Variants in ACSS3 observed in about 807,000 individuals in gnomAD.
ACSS3 encodes acyl-CoA synthetase short chain family member 3, also known as acyl-CoA synthetase short-chain family member 3, mitochondrial.
In ACSS3, 64 loss-of-function variants were observed where a neutral mutation model predicts 84.2. The ratio of observed to expected loss-of-function variants is 0.76; its 90% CI spans 0.62 to 0.94. ACSS3 has a LOEUF of 0.94. Among genes scored for constraint, ACSS3 ranks in the 40% least tolerant of loss-of-function variants. The pLI, the probability that ACSS3 is intolerant of heterozygous loss-of-function variation, is 0.00. For missense variants in ACSS3, 815 were observed against 867.6 expected (o/e 0.94, Z 0.76); for synonymous variants, 317 against 310.1 (o/e 1.02, Z -0.23).
intron 7 of ACSS3, among the ~76,000 whole-genome samples, chr12:81,168,511 T>C (rs1317520427): frequency 6.6e-6 from 1 of 152,148 alleles, no homozygotes; most frequent in Non-Finnish European, 1.5e-5. Flanking sequence ...TCTCAAGTAG[T>C]GATACAACCA....
intron 9 of ACSS3, among the ~76,000 whole-genome samples, chr12:81,210,496 AT>A (rs2032549567): frequency 6.6e-6 from 1 of 150,966 alleles, no homozygotes; most frequent in Non-Finnish European, 1.5e-5. Flanking sequence ...GTATAGCAAA[AT>A]AAGTAAAAAC....
chr12:81,092,497 A>G (rs1361396372), intron 1 of ACSS3, among the ~76,000 whole-genome samples: 3 of 152,270 alleles, frequency 2.0e-5, no homozygotes, highest in East Asian at 3.9e-4. Context: ...GAGGTGTGAA[A>G]AACTAGAGCA....
intron 5 of ACSS3, among the ~76,000 whole-genome samples, chr12:81,144,457 A>G (rs1000320476): frequency 6.6e-6 from 1 of 152,210 alleles, no homozygotes; most frequent in Non-Finnish European, 1.5e-5. Context: ...GAAGCATGCC[A>G]TATAATCTGC....
At chr12:81,249,538 G>T (rs1565744465) in intron 13 of ACSS3, among the ~76,000 whole-genome samples, 1 of 151,982 alleles carries the variant, frequency 6.6e-6, no homozygotes, top group Non-Finnish European at 1.5e-5. Flanking sequence ...TATTTTGTTT[G>T]CTATTTTAGG....
At chr12:81,155,274 T>A (rs1886807689) in intron 7 of ACSS3, among the ~76,000 whole-genome samples, 1 of 152,240 alleles carries the variant, frequency 6.6e-6, no homozygotes, top group Non-Finnish European at 1.5e-5. Flanking sequence ...TTTAGCAGGA[T>A]CATAGTCTTT....
intron 12 of ACSS3, among the ~76,000 whole-genome samples, chr12:81,232,632 C>T (rs2033503541): frequency 6.6e-6 from 1 of 151,716 alleles, no homozygotes; most frequent in South Asian, 2.1e-4. Flanking sequence ...CTTTAGAAGG[C>T]AGAACTCATT....
chr12:81,255,078 G>A lies in ACSS3; in HGVS notation c.*156G>A. ...GCCTAAACAAATCTAATGAAAACAT[G>A]TGAAAGACCTGTGCCTTTTTTTTGG... is the stretch of plus-strand genomic sequence containing the variant. On this transcript the variant is annotated 3_prime_UTR_variant, in exon 16 of 16. Transcript: ENST00000548058. 1 of 658,530 alleles carries A rather than the reference G, an allele frequency of 1.5e-6. No individual in the cohort carries two copies. Among genetic ancestry groups the A allele is most frequent in the Non-Finnish European group, 2.4e-6 (1 of 418,704 alleles). 40.8% of individuals were successfully genotyped at this position (658,530 alleles called of 1,614,324 possible). A position where few individuals can be genotyped will look rare whatever the true frequency, so the allele number is the denominator to read the frequency against.
chr12:81,121,201 A>AC (rs1407000721), intron 2 of ACSS3, among the ~76,000 whole-genome samples: 2 of 152,188 alleles, frequency 1.3e-5, no homozygotes, highest in Admixed American at 1.3e-4. Flanking sequence ...GTTAACAGGA[A>AC]CATTGCCCAA....
intron 11 of ACSS3, among the ~76,000 whole-genome samples, chr12:81,229,860 G>A (rs941912106): frequency 6.7e-6 from 1 of 149,254 alleles, no homozygotes; most frequent in Admixed American, 6.7e-5. Flanking sequence ...CATTATAGAA[G>A]TGGGCGATAT....
chr12:81,248,155 G>GA (rs2034042349), intron 13 of ACSS3, among the ~76,000 whole-genome samples: 1 of 151,828 alleles, frequency 6.6e-6, no homozygotes, highest in African/African-American at 2.4e-5. Context: ...GAGATTTTTC[G>GA]AAAAACTAAA....
intron 1 of ACSS3, among the ~76,000 whole-genome samples, chr12:81,089,498 T>C (rs1330100129): frequency 2.6e-5 from 4 of 152,008 alleles, no homozygotes; most frequent in Non-Finnish European, 5.9e-5. Context: ...CTCTCACCTG[T>C]GTTATTCCAT....
intron 7 of ACSS3, among the ~76,000 whole-genome samples, chr12:81,164,746 A>G (rs972501384): frequency 6.6e-6 from 1 of 152,194 alleles, no homozygotes; most frequent in Admixed American, 6.5e-5. Flanking sequence ...TTTTACCTAC[A>G]TGGAGGTAGT....
chr12:81,180,216 C>A (rs541084062), intron 8 of ACSS3, among the ~76,000 whole-genome samples: 1 of 152,242 alleles, frequency 6.6e-6, no homozygotes, highest in East Asian at 1.9e-4. Flanking sequence ...ACAATAGACA[C>A]AAGGGGTAGA....
chr12:81,139,216 T>C lies in ACSS3; in HGVS notation c.731T>C (p.Ile244Thr). The change falls in exon 4 of 16, where the codon ATA (isoleucine) becomes ACA (threonine). Residue 244 changes from isoleucine to threonine, a missense_variant. By Grantham distance (89) the Ile-to-Thr change is moderately conservative. Coordinates refer to ENST00000548058, the MANE Select transcript of ACSS3 (RefSeq NM_024560.4). ...CCACTTGTAGAAGAAGCGCTAAAAATAGGACAACACAAACCAGACAAAATT... is the reference window on the plus strand; with the variant it reads ...CCACTTGTAGAAGAAGCGCTAAAAACAGGACAACACAAACCAGACAAAATT... ...YVPLVEEALK[I>T]GQHKPDKILI... 1 of 1,614,014 alleles carries C rather than the reference T, an allele frequency of 6.2e-7. No individual in the cohort carries two copies. The highest frequency in any genetic ancestry group is 8.5e-7 in the Non-Finnish European group (1 of 1,179,944).
intron 11 of ACSS3, 136 bp from the exon 12 acceptor site, chr12:81,230,921 C>T: frequency 1.4e-6 from 1 of 697,956 alleles, no homozygotes; most frequent in Admixed American, 2.7e-5. Context: ...ATGATCTGTC[C>T]AGCAGATTTA....
At chr12:81,137,162 T>A (rs1441792355) in intron 3 of ACSS3, among the ~76,000 whole-genome samples, 1 of 151,582 alleles carries the variant, frequency 6.6e-6, no homozygotes, top group African/African-American at 2.4e-5. Flanking sequence ...TTAAACATGT[T>A]GAGTTAATGC....
chr12:81,089,342 A>G (rs774042096), intron 1 of ACSS3, among the ~76,000 whole-genome samples: 5 of 151,828 alleles, frequency 3.3e-5, no homozygotes, highest in Non-Finnish European at 7.4e-5. Context: ...ATTTTCAAGC[A>G]GAAGATATGC....
At chr12:81,095,165 T>A (rs1881953527) in intron 1 of ACSS3, among the ~76,000 whole-genome samples, 1 of 152,178 alleles carries the variant, frequency 6.6e-6, no homozygotes, top group Admixed American at 6.5e-5. Context: ...TAGGTCTGGT[T>A]TCTAGGAACC....
chr12:81,189,869 C>A (rs962666830), intron 8 of ACSS3, among the ~76,000 whole-genome samples: 1 of 152,036 alleles, frequency 6.6e-6, no homozygotes, highest in African/African-American at 2.4e-5. Context: ...TGAAGTAAGG[C>A]GCTGAGTTTT....
Sources: gnomAD v4.1 joint callset for allele counts (sites outside exome capture counted in the v4.1 genomes callset) on GRCh38, gnomAD v4.1.1 for gene constraint, MANE v1.5 for transcripts, NCBI Gene and HGNC (gene_info 2026-07-23, HGNC 2026-07-21) for gene names.